The following VTI1A variants were observed in gnomAD, a reference collection of about 807,000 sequenced individuals.
VTI1A encodes vesicle transport through interaction with t-SNAREs homolog 1A.
In VTI1A, 22 loss-of-function variants were observed where a neutral mutation model predicts 34.9. That is an observed-to-expected ratio of 0.63 (90% CI 0.45 to 0.90). The LOEUF is 0.90. Ranked by LOEUF, VTI1A falls within the 40% of genes least tolerant of loss-of-function variation. The probability of loss-of-function intolerance (pLI) is 0.00; values close to 1 mark genes in which losing one functional copy is unlikely to be tolerated. For missense variants in VTI1A, 268 were observed against 275.6 expected (o/e 0.97, Z 0.20); for synonymous variants, 87 against 97.3 (o/e 0.89, Z 0.62).
chr10:112,625,394 T>G (rs113647806), intron 5 of VTI1A, among the ~76,000 whole-genome samples: 7,989 of 151,972 alleles, frequency 0.053, 240 homozygotes, highest in Middle Eastern at 0.12. Context: ...ATCCCAGCAC[T>G]TTGGGAGGCC....
chr10:112,788,608 A>G (rs1852367044), intron 7 of VTI1A, among the ~76,000 whole-genome samples: 1 of 152,070 alleles, frequency 6.6e-6, no homozygotes, highest in African/African-American at 2.4e-5. Flanking sequence ...GTTTGACTGG[A>G]GTGTTTAGTC....
chr10:112,500,212 G>A (rs964487152), intron 3 of VTI1A, among the ~76,000 whole-genome samples: 1 of 152,024 alleles, frequency 6.6e-6, no homozygotes, highest in Non-Finnish European at 1.5e-5. Flanking sequence ...CAAGGTGGGC[G>A]GATCATGAGG....
At chr10:112,696,380 A>G (rs1199147432) in intron 7 of VTI1A, among the ~76,000 whole-genome samples, 1 of 152,140 alleles carries the variant, frequency 6.6e-6, no homozygotes, top group Non-Finnish European at 1.5e-5. Flanking sequence ...CATAAGTCTT[A>G]ATTCCTGAGG....
chr10:112,829,644 C>T, the VTI1A span, among the ~76,000 whole-genome samples: 2 of 152,028 alleles, frequency 1.3e-5, no homozygotes, highest in Non-Finnish European at 1.5e-5. Context: ...GTCCTGGCTA[C>T]TCAGGAGGCT....
At chr10:112,514,313 T>C (rs895854839) in intron 3 of VTI1A, among the ~76,000 whole-genome samples, 5 of 151,922 alleles carry the variant, frequency 3.3e-5, no homozygotes, top group Non-Finnish European at 5.9e-5. Flanking sequence ...TCATAGTAGT[T>C]TCTTATGATC....
intron 7 of VTI1A, among the ~76,000 whole-genome samples, chr10:112,709,660 C>G (rs1849328563): frequency 6.8e-6 from 1 of 146,800 alleles, no homozygotes; most frequent in Admixed American, 6.8e-5. Flanking sequence ...CAGATCTCCC[C>G]AACAAGAGGC....
intron 5 of VTI1A, among the ~76,000 whole-genome samples, chr10:112,666,820 A>G (rs1184699875): frequency 1.3e-5 from 2 of 152,194 alleles, no homozygotes; most frequent in African/African-American, 2.4e-5. Flanking sequence ...TTATCATTCA[A>G]TAAATGCTTA....
At chr10:112,512,632 C>T (rs111237689) in intron 3 of VTI1A, among the ~76,000 whole-genome samples, 112 of 152,130 alleles carry the variant, frequency 7.4e-4, no homozygotes, top group African/African-American at 2.6e-3. Context: ...ACCGATGTCC[C>T]CAATAATTTT....
chr10:112,569,265 TC>T (rs1315645098), intron 5 of VTI1A, among the ~76,000 whole-genome samples: 1 of 152,190 alleles, frequency 6.6e-6, no homozygotes, highest in Non-Finnish European at 1.5e-5. Context: ...TTTGTTGCCT[TC>T]TGTGATCCAG....
chr10:112,558,031 G>A (rs1037588974), intron 5 of VTI1A, among the ~76,000 whole-genome samples: 5 of 152,138 alleles, frequency 3.3e-5, no homozygotes, highest in East Asian at 3.8e-4. Flanking sequence ...AAGAAAATAC[G>A]CATGCACGTG....
chr10:112,744,544 A>T (rs1272355895), intron 7 of VTI1A, among the ~76,000 whole-genome samples: 1 of 147,128 alleles, frequency 6.8e-6, no homozygotes, highest in Non-Finnish European at 1.5e-5. Flanking sequence ...TCTCAGGCTC[A>T]AGCGATCTTC....
At chr10:112,661,226 G>A (rs369493001) in intron 5 of VTI1A, among the ~76,000 whole-genome samples, 1 of 152,070 alleles carries the variant, frequency 6.6e-6, no homozygotes, top group Admixed American at 6.6e-5. Context: ...CAAGTGATCC[G>A]CCCTCCTCGG....
chr10:112,472,692 T>G (rs1349595300), intron 3 of VTI1A, among the ~76,000 whole-genome samples: 58 of 152,204 alleles, frequency 3.8e-4, no homozygotes, highest in Non-Finnish European at 2.9e-5. Flanking sequence ...CTTCTATTTC[T>G]GTGGAAGCTA....
intron 5 of VTI1A, among the ~76,000 whole-genome samples, chr10:112,562,197 G>A (rs1455868861): frequency 2.6e-5 from 4 of 152,112 alleles, no homozygotes; most frequent in Non-Finnish European, 5.9e-5. Flanking sequence ...CATAACTTAC[G>A]ACACTGCAGG....
At chr10:112,511,410 AT>A (rs1040109177) in intron 3 of VTI1A, among the ~76,000 whole-genome samples, 1 of 151,718 alleles carries the variant, frequency 6.6e-6, no homozygotes, top group Non-Finnish European at 1.5e-5. Flanking sequence ...CGCCCAGCTG[AT>A]TTTTTGTATT....
At chr10:112,715,300 A>G (rs1040767904) in intron 7 of VTI1A, among the ~76,000 whole-genome samples, 3 of 152,206 alleles carry the variant, frequency 2.0e-5, no homozygotes, top group African/African-American at 7.2e-5. Context: ...AACACTGAAA[A>G]AGGGATGGGA....
intron 7 of VTI1A, among the ~76,000 whole-genome samples, chr10:112,786,377 T>G (rs1852287937): frequency 6.6e-6 from 1 of 152,204 alleles, no homozygotes; most frequent in Admixed American, 6.5e-5. Context: ...TCACGTCAGT[T>G]GTGAATGACA....
At chr10:112,518,629 GTA>G (rs1267439293) in intron 3 of VTI1A, among the ~76,000 whole-genome samples, 1 of 129,612 alleles carries the variant, frequency 7.7e-6, no homozygotes, top group Non-Finnish European at 1.6e-5. Context: ...GTGTGTATGT[GTA>G]TATATATGTG....
intron 5 of VTI1A, among the ~76,000 whole-genome samples, chr10:112,647,737 CTT>C (rs1846856994): frequency 6.6e-6 from 1 of 152,058 alleles, no homozygotes; most frequent in Non-Finnish European, 1.5e-5. Flanking sequence ...AATAATTATA[CTT>C]TGTCTCTGCA....
Sources: allele counts gnomAD v4.1 joint callset (sites outside exome capture counted in the v4.1 genomes callset), GRCh38; gene constraint gnomAD v4.1.1; transcripts MANE v1.5; gene names NCBI Gene and HGNC (gene_info 2026-07-23, HGNC 2026-07-21).